The following CRBN variants were observed in gnomAD, a reference collection of about 807,000 sequenced individuals.
CRBN encodes the protein protein cereblon.
A neutral mutation model predicts 62.2 loss-of-function variants in CRBN; 53 were observed. The ratio of observed to expected loss-of-function variants is 0.85; its 90% CI spans 0.68 to 1.07. The LOEUF (loss-of-function observed/expected upper bound fraction) is 1.07, where lower values mean the gene tolerates loss of function less well. Ranked by LOEUF, CRBN falls within the 50% of genes least tolerant of loss-of-function variation. The pLI, the probability that CRBN is intolerant of heterozygous loss-of-function variation, is 0.00. For missense variants in CRBN, 616 were observed against 531.1 expected (o/e 1.16, Z -1.57); for synonymous variants, 208 against 176.1 (o/e 1.18, Z -1.43).
intron 4 of CRBN, chr3:3,172,349 G>A (rs1213420344): frequency 1.1e-5 from 2 of 177,996 alleles, no homozygotes; most frequent in Non-Finnish European, 2.4e-5. Flanking sequence ...AAAAACCACA[G>A]CTGTCCTGGT....
At chr3:3,176,471 C>T (rs955640993) in intron 1 of CRBN, among the ~76,000 whole-genome samples, 4 of 152,196 alleles carry the variant, frequency 2.6e-5, no homozygotes, top group Non-Finnish European at 5.9e-5. Context: ...TGTGGTGGCT[C>T]ACACCTGTAA....
intron 1 of CRBN, 64 bp downstream of exon 1, chr3:3,179,557 G>A: frequency 6.6e-7 from 1 of 1,525,754 alleles, no homozygotes; most frequent in Non-Finnish European, 9.1e-7. Flanking sequence ...AGGCCCAGCT[G>A]CACCGCTAGC....
rs761302022 is a variant in CRBN, at chr3:3,174,267, T to C, written c.175-6A>G. The C allele has an allele frequency of 1.3e-6, 2 of 1,587,520 alleles. No homozygotes were observed. Among genetic ancestry groups the C allele is most frequent in the African/African-American group, 2.7e-5 (2 of 74,464 alleles). ...TCCATATCAGCACCTAGGTACTATA[T>C]AAAAACATATATAGGTATAGTGTCA... On this transcript the variant is annotated splice_region_variant and splice_polypyrimidine_tract_variant and intron_variant, in intron 2 of 10. Coordinates refer to ENST00000231948, the MANE Select transcript of CRBN (RefSeq NM_016302.4).
chr3:3,154,231 G>T, intron 7 of CRBN, 156 bp from the exon 8 acceptor site: 1 of 618,790 alleles, frequency 1.6e-6, no homozygotes, highest in Non-Finnish European at 2.9e-6. Flanking sequence ...AGCTGTCAAA[G>T]ATACACTTTT....
intron 5 of CRBN, among the ~76,000 whole-genome samples, chr3:3,166,653 G>C (rs1290289031): frequency 6.6e-6 from 1 of 152,122 alleles, no homozygotes; most frequent in African/African-American, 2.4e-5. Context: ...AGTTAACTGA[G>C]ATAAAGACCA....
At chr3:3,167,558 G>T (rs4685612) in intron 5 of CRBN, 76 bp downstream of exon 5, 193,273 of 1,390,920 alleles carry the variant, frequency 0.14, 14,577 homozygotes, top group Admixed American at 0.24. Flanking sequence ...CATGAAAGTT[G>T]TGTTTCTTTC....
rs115557297 is a variant in CRBN, at chr3:3,171,857, G to C, written c.527+919C>G. On this transcript the variant is annotated intron_variant, in intron 4 of 10. Transcript: ENST00000231948. ...GAAGATACCACCTGGGCAACACAGA[G>C]GTCTGATGAGATTTTCAACTGTGGG... Among the ~76,000 whole-genome samples the C allele has an allele frequency of 4.7e-3, 713 of 152,170 alleles. 7 individuals carry two copies. The highest frequency in any genetic ancestry group is 0.017 in the African/African-American group (690 of 41,510).
intron 5 of CRBN, among the ~76,000 whole-genome samples, chr3:3,157,935 A>G (rs905520578): frequency 2.6e-5 from 4 of 152,198 alleles, no homozygotes; most frequent in African/African-American, 2.4e-5. Context: ...TGGTTTTCAA[A>G]TATTTTAGGA....
At position 3,153,827 on chromosome 3, in the gene CRBN, G is replaced by GATCCCAAA. The variant is rs1575081172; in HGVS notation, c.951+132_951+133insTTTGGGAT. On this transcript the variant is annotated intron_variant, in intron 8 of 10. Coordinates refer to ENST00000231948, the MANE Select transcript of CRBN (RefSeq NM_016302.4). Reference sequence around the variant, plus strand: ...CACAAAACAATGAGTTTGTTTGTAAGATCCCAATTGAAATCTGAATTGCAT... The same window carrying GATCCCAAA: ...CACAAAACAATGAGTTTGTTTGTAAGATCCCAAAATCCCAATTGAAATCTGAATTGCAT... 4.4e-6 allele frequency: 3 copies of GATCCCAAA among 686,808 alleles called. No homozygotes were observed. In the East Asian group the frequency reaches 8.1e-5, roughly 19 times the overall value. 42.5% of individuals were successfully genotyped at this position (686,808 alleles called of 1,614,324 possible).
At chr3:3,169,680 T>C (rs1361485410) in intron 4 of CRBN, among the ~76,000 whole-genome samples, 2 of 152,216 alleles carry the variant, frequency 1.3e-5, no homozygotes, top group Non-Finnish European at 2.9e-5. Context: ...ATGAATGAAT[T>C]TATAAAGTTA....
intron 5 of CRBN, chr3:3,156,503 T>G (rs574232978): frequency 2.7e-5 from 15 of 554,394 alleles, no homozygotes; most frequent in African/African-American, 2.1e-4. Flanking sequence ...TCATTCCTAT[T>G]TAAAAAGGTC....
chr3:3,166,338 C>A (rs1043134659), intron 5 of CRBN, among the ~76,000 whole-genome samples: 1 of 152,128 alleles, frequency 6.6e-6, no homozygotes, highest in Non-Finnish European at 1.5e-5. Flanking sequence ...ACTTGCTCTT[C>A]CTTGACTTTC....
rs926591699 is a variant in CRBN at position 3,167,456 on chromosome 3, A to G, written c.687+178T>C. 12 of 598,594 alleles carry G rather than the reference A, an allele frequency of 2.0e-5. No individual in the cohort carries two copies. In the Admixed American group the frequency reaches 2.1e-4, roughly 11 times the overall value. The allele number at this position is 598,594 out of a possible 1,614,324, so 37.1% of individuals were successfully genotyped here. A position where few individuals can be genotyped will look rare whatever the true frequency, so the allele number is the denominator to read the frequency against. The stretch of plus-strand genomic sequence containing the variant: ...CTGTGTGACATTTTATTGCTTTTGT[A>G]AACTGCTTTTACATAAAGTAGCTGC... On this transcript the variant is annotated intron_variant, in intron 5 of 10. Coordinates refer to ENST00000231948, the MANE Select transcript of CRBN (RefSeq NM_016302.4).
At chr3:3,179,304 G>C (rs989573173) in intron 1 of CRBN, among the ~76,000 whole-genome samples, 1 of 152,226 alleles carries the variant, frequency 6.6e-6, no homozygotes, top group Non-Finnish European at 1.5e-5. Flanking sequence ...ATCTGACCCG[G>C]TCCTCTAGTT....
At chr3:3,166,673 A>G (rs1417058549) in intron 5 of CRBN, among the ~76,000 whole-genome samples, 1 of 152,194 alleles carries the variant, frequency 6.6e-6, no homozygotes, top group African/African-American at 2.4e-5. Flanking sequence ...AGGAAGTCTT[A>G]TAGATACCTG....
chr3:3,163,565 A>T (rs1296738107), intron 5 of CRBN, among the ~76,000 whole-genome samples: 1 of 152,234 alleles, frequency 6.6e-6, no homozygotes, highest in Non-Finnish European at 1.5e-5. Context: ...AAGCAGTCTT[A>T]CTTGCTTAGC....
rs370462967 is a variant in CRBN, at chr3:3,173,533, T to C, written c.377+526A>G. Among the ~76,000 whole-genome samples, 16 of 152,334 alleles carry C rather than the reference T, an allele frequency of 1.1e-4. No individual in the cohort carries two copies. The East Asian group carries it at 2.9e-3, about 28-fold the overall frequency. ...TTTCACTCTGTCAAATGACTTATCA[T>C]TTCTGCTGCTTACTGGCAGCACTGT... On this transcript the variant is annotated intron_variant, in intron 3 of 10. Coordinates refer to ENST00000231948, the MANE Select transcript of CRBN (RefSeq NM_016302.4).
At chr3:3,156,750 T>C (rs1021718511) in intron 5 of CRBN, 1 of 159,190 alleles carries the variant, frequency 6.3e-6, no homozygotes, top group African/African-American at 2.4e-5. Context: ...AAAGATAAAA[T>C]GTTCGTTTAC....
At chr3:3,160,706 A>G (rs149050246) in intron 5 of CRBN, among the ~76,000 whole-genome samples, 1,693 of 152,388 alleles carry the variant, frequency 0.011, 30 homozygotes, top group Middle Eastern at 0.027. Flanking sequence ...AATGGTAGTC[A>G]CTGAAAAGCT....
Sources: allele counts gnomAD v4.1 joint callset (sites outside exome capture counted in the v4.1 genomes callset), GRCh38; gene constraint gnomAD v4.1.1; transcripts MANE v1.5; gene names NCBI Gene and HGNC (gene_info 2026-07-23, HGNC 2026-07-21).